Variants in AZIN2 observed in about 807,000 individuals in gnomAD.
The protein encoded by AZIN2 is antizyme inhibitor 2, also known as ODC antizyme inhibitor-2.
AZIN2 carries 28 observed loss-of-function variants against 47.8 expected under a neutral mutation model. The observed-to-expected ratio is 0.59, with a 90% confidence interval of 0.43 to 0.80. AZIN2 has a LOEUF of 0.80. Among genes scored for constraint, AZIN2 ranks in the 30% least tolerant of loss-of-function variants. The pLI is 0.00. For missense variants in AZIN2, 535 were observed against 582.5 expected (o/e 0.92, Z 0.84); for synonymous variants, 221 against 239.4 (o/e 0.92, Z 0.71).
At chr1:33,146,044 C>T in the AZIN2 span, 3 of 377,636 alleles carry the variant, frequency 7.9e-6, no homozygotes, top group Admixed American at 1.0e-4. Context: ...CTGCAGTCAG[C>T]AGCTTTCTGG....
the AZIN2 span, among the ~76,000 whole-genome samples, chr1:33,161,162 C>T: frequency 4.3e-3 from 657 of 152,324 alleles, 19 homozygotes; most frequent in East Asian, 0.08. The surrounding 1 kb of genome is among the most constrained non-coding windows in gnomAD (Gnocchi z 4.3). Flanking sequence ...CTCCAAGGCG[C>T]AGAGAAAGAG....
At chr1:33,093,606 G>T (rs1642814803) in intron 7 of AZIN2, among the ~76,000 whole-genome samples, 190 bp downstream of exon 7, 2 of 152,150 alleles carry the variant, frequency 1.3e-5, no homozygotes. Context: ...CAGTCCCAGG[G>T]TCCCCAGAAG....
the AZIN2 span, among the ~76,000 whole-genome samples, chr1:33,130,337 C>T: frequency 2.6e-5 from 4 of 152,202 alleles, no homozygotes; most frequent in South Asian, 6.2e-4. Context: ...TTAGAAGTGA[C>T]GGGTTGTCAT....
At chr1:33,082,148 C>T (rs778639470) in intron 3 of AZIN2, 30 bp from the exon 4 acceptor site, 70 of 968,976 alleles carry the variant, frequency 7.2e-5, no homozygotes, top group Non-Finnish European at 1.1e-4. Flanking sequence ...GGCCCCCCAG[C>T]GGTTCCCTTC....
At chr1:33,162,615 G>T in the AZIN2 span, among the ~76,000 whole-genome samples, 1 of 152,172 alleles carries the variant, frequency 6.6e-6, no homozygotes, top group African/African-American at 2.4e-5. Flanking sequence ...AGATTGCTCC[G>T]TAGAGCTGGG....
rs777419520 is a variant in AZIN2 at position 33,120,048 on chromosome 1, G to T, written c.1249G>T (p.Ala417Ser). The T allele has an allele frequency of 6.2e-7, 1 of 1,613,860 alleles. No homozygotes were observed. Among genetic ancestry groups the T allele is most frequent in the Non-Finnish European group, 8.5e-7 (1 of 1,179,958 alleles). The part of the protein sequence containing the change: ...TYAMSRVAWE[A>S]LRRQLMAAEQ... Reference sequence around the variant, plus strand: ...GCACCCCTCTCTCACCCCTAGGGAAGCGCTGCGAAGGCAGCTGATGGCTGC... The same window carrying T: ...GCACCCCTCTCTCACCCCTAGGGAATCGCTGCGAAGGCAGCTGATGGCTGC... The change falls in exon 12 of 12, where the codon GCG becomes TCG. Residue 417 changes from alanine (A) to serine (S), a missense_variant. Ala to Ser is a moderately conservative substitution (Grantham distance 99). This residue lies in a region of AZIN2 where 122 missense variants were observed against 135.8 expected (regional missense o/e 0.90). Coordinates refer to ENST00000294517, the MANE Select transcript of AZIN2 (RefSeq NM_052998.4).
chr1:33,091,432 GT>G (rs1440286301), intron 5 of AZIN2, among the ~76,000 whole-genome samples: 2 of 152,082 alleles, frequency 1.3e-5, no homozygotes, highest in East Asian at 3.9e-4. Flanking sequence ...TAGAGATGGG[GT>G]TTTGCCATGT....
chr1:33,096,939 T>C (rs1643220316), intron 9 of AZIN2, 70 bp downstream of exon 9: 2 of 1,598,470 alleles, frequency 1.3e-6, no homozygotes, highest in South Asian at 1.1e-5. Context: ...CTGAGCAGGA[T>C]CTGGTTTTAG....
At position 33,094,674 on chromosome 1, in the gene AZIN2, C is replaced by T. The variant is rs148883141; in HGVS notation, c.714C>T (p.Gly238=). The T allele has an allele frequency of 6.5e-4, 1,055 of 1,614,158 alleles. 14 individuals are homozygous for T. The Admixed American group carries it at 0.017, about 25-fold the overall frequency. Residue 238 remains glycine (G), a synonymous_variant, in exon 8 of 12, where the codon GGC becomes GGT. Coordinates refer to ENST00000294517, the MANE Select transcript of AZIN2 (RefSeq NM_052998.4). ...HKMHVLDLGG[G]FPGTEGAKVR... The stretch of plus-strand genomic sequence containing the variant: ...TGCACGTTCTGGACCTTGGTGGTGG[C>T]TTCCCTGGCACAGAAGGGGCCAAAG...
chr1:33,117,350 G>A (rs1275651793), intron 10 of AZIN2, among the ~76,000 whole-genome samples: 4 of 152,146 alleles, frequency 2.6e-5, no homozygotes, highest in Admixed American at 1.3e-4. Flanking sequence ...CTTCATAGAC[G>A]AGGGAGCCCC....
intron 8 of AZIN2, 80 bp downstream of exon 8, chr1:33,094,793 A>C (rs1010900075): frequency 1.2e-5 from 18 of 1,495,808 alleles, no homozygotes; most frequent in Non-Finnish European, 1.5e-5. Context: ...GAGGGAGACC[A>C]CCGTGCGTGG....
At chr1:33,089,118 G>A (rs1322080289) in intron 5 of AZIN2, among the ~76,000 whole-genome samples, 1 of 152,192 alleles carries the variant, frequency 6.6e-6, no homozygotes, top group Non-Finnish European at 1.5e-5. Flanking sequence ...GCTAAGGTCT[G>A]ACAGTTAGAA....
the AZIN2 span, chr1:33,165,403 T>A: frequency 1.5e-6 from 2 of 1,368,006 alleles, no homozygotes; most frequent in Non-Finnish European, 2.0e-6. This position sits in a 1 kb window ranked among gnomAD's most constrained non-coding sequence, Gnocchi z 4.0. Flanking sequence ...CTTCCCCAGC[T>A]GGCCCCGCCC....
chr1:33,151,463 G>A, the AZIN2 span, among the ~76,000 whole-genome samples: 1 of 152,066 alleles, frequency 6.6e-6, no homozygotes, highest in Non-Finnish European at 1.5e-5. Flanking sequence ...CTCCCTCCCC[G>A]AGGCTAGGGC....
chr1:33,143,823 G>A, the AZIN2 span, among the ~76,000 whole-genome samples: 1 of 152,250 alleles, frequency 6.6e-6, no homozygotes, highest in Non-Finnish European at 1.5e-5. Context: ...TGGCCTGGGA[G>A]ACACAGTAGC....
At chr1:33,095,198 CTCT>C (rs1245649770) in intron 8 of AZIN2, among the ~76,000 whole-genome samples, 1 of 152,174 alleles carries the variant, frequency 6.6e-6, no homozygotes, top group Admixed American at 6.5e-5. Flanking sequence ...TAGAGGTCGC[CTCT>C]TCTTGGAAGG....
intron 7 of AZIN2, 132 bp downstream of exon 7, chr1:33,093,548 T>C (rs1332608048): frequency 7.3e-6 from 9 of 1,224,692 alleles, no homozygotes; most frequent in Non-Finnish European, 1.0e-5. Context: ...ATTCTTCCAT[T>C]TGAGAATTTC....
chr1:33,165,844 TCTGG>T, the AZIN2 span: 1 of 281,980 alleles, frequency 3.5e-6, no homozygotes, highest in South Asian at 1.3e-4. This position sits in a 1 kb window ranked among gnomAD's most constrained non-coding sequence, Gnocchi z 4.0. Flanking sequence ...ATACACACTC[TCTGG>T]CTCCCCACAC....
the AZIN2 span, chr1:33,146,047 C>G: frequency 2.7e-6 from 1 of 374,598 alleles, no homozygotes; most frequent in South Asian, 2.0e-5. Context: ...CAGTCAGCAG[C>G]TTTCTGGCAT....
Sources: gnomAD v4.1 joint callset for allele counts (sites outside exome capture counted in the v4.1 genomes callset) on GRCh38, gnomAD v4.1.1 for gene constraint, gnomAD v4.1.1 regional missense constraint, Gnocchi (gnomAD v3.1) non-coding constraint, MANE v1.5 for transcripts, NCBI Gene and HGNC (gene_info 2026-07-23, HGNC 2026-07-21) for gene names.